Variants in TSNARE1 observed in about 807,000 individuals in gnomAD.
The protein encoded by TSNARE1 is t-SNARE domain-containing protein 1.
Under a neutral mutation model 62.0 loss-of-function variants are expected in TSNARE1, and 49 were observed. That is an observed-to-expected ratio of 0.79 (90% CI 0.63 to 1.00). The LOEUF is 1.00. Among genes scored for constraint, TSNARE1 ranks in the 50% least tolerant of loss-of-function variants. The pLI is 0.00. For synonymous variants in TSNARE1, 328 were observed against 294.4 expected (o/e 1.11, Z -1.17); for missense variants, 755 against 700.1 (o/e 1.08, Z -0.88).
At chr8:142,316,895 T>G (rs976546734) in intron 7 of TSNARE1, among the ~76,000 whole-genome samples, 5 of 151,862 alleles carry the variant, frequency 3.3e-5, no homozygotes, top group African/African-American at 1.2e-4. Context: ...CGGCATGCAT[T>G]TCCCCTGTAG....
chr8:142,247,521 G>A (rs550045392), intron 12 of TSNARE1: 1 of 152,292 alleles, frequency 6.6e-6, no homozygotes, highest in Non-Finnish European at 1.5e-5. Flanking sequence ...AGCTCATAGT[G>A]GGGGGTGGGG....
chr8:142,364,391 T>C (rs1437563284), intron 1 of TSNARE1, among the ~76,000 whole-genome samples: 1 of 152,124 alleles, frequency 6.6e-6, no homozygotes, highest in East Asian at 1.9e-4. Flanking sequence ...TAGATGTGTG[T>C]GGGTATATAT....
chr8:142,269,807 G>C (rs550190621), intron 12 of TSNARE1: 1 of 985,452 alleles, frequency 1.0e-6, no homozygotes, highest in Non-Finnish European at 1.2e-6. Context: ...ACCCATAGAA[G>C]GGGTAGCCTG....
At chr8:142,301,824 CT>C (rs1355598534) in intron 9 of TSNARE1, among the ~76,000 whole-genome samples, 1 of 152,216 alleles carries the variant, frequency 6.6e-6, no homozygotes, top group East Asian at 1.9e-4. Context: ...GAGCCAGGGC[CT>C]CCACAACAGC....
intron 5 of TSNARE1, among the ~76,000 whole-genome samples, chr8:142,331,491 C>T (rs929943035): frequency 8.5e-5 from 13 of 152,222 alleles, no homozygotes; most frequent in Non-Finnish European, 4.4e-5. Flanking sequence ...GCAGGAGCAG[C>T]CAGCGGGAGC....
At chr8:142,340,135 T>C (rs1415752909) in intron 4 of TSNARE1, among the ~76,000 whole-genome samples, 3 of 152,072 alleles carry the variant, frequency 2.0e-5, no homozygotes, top group Non-Finnish European at 4.4e-5. Context: ...CCATGAAGGC[T>C]GGGGCGCAGG....
chr8:142,228,016 T>C (rs1263472608), intron 13 of TSNARE1, among the ~76,000 whole-genome samples: 1 of 151,882 alleles, frequency 6.6e-6, no homozygotes, highest in African/African-American at 2.4e-5. Flanking sequence ...CTTCCCGGAG[T>C]TTACATGGAG....
intron 1 of TSNARE1, among the ~76,000 whole-genome samples, chr8:142,374,237 G>A (rs543670865): frequency 3.3e-5 from 5 of 152,052 alleles, no homozygotes; most frequent in South Asian, 2.1e-4. Context: ...CCAGGGAGGC[G>A]GAGGTTGCAG....
chr8:142,284,359 T>A, intron 11 of TSNARE1, 54 bp downstream of exon 11: 1 of 1,451,694 alleles, frequency 6.9e-7, no homozygotes, highest in Non-Finnish European at 9.6e-7. Flanking sequence ...GGCTGGGGGC[T>A]GGCAGGCAGG....
At chr8:142,283,576 G>C (rs1474955498) in intron 11 of TSNARE1, among the ~76,000 whole-genome samples, 1 of 127,432 alleles carries the variant, frequency 7.8e-6, no homozygotes, top group Non-Finnish European at 1.6e-5. Flanking sequence ...GTTAGTGTCT[G>C]TCAATGAGCA....
intron 4 of TSNARE1, among the ~76,000 whole-genome samples, chr8:142,335,333 G>A (rs982320213): frequency 1.3e-5 from 2 of 152,066 alleles, no homozygotes; most frequent in Admixed American, 6.6e-5. Flanking sequence ...AACAAGGTGG[G>A]GTCACCATGT....
At chr8:142,256,489 C>T (rs1196318943) in intron 12 of TSNARE1, among the ~76,000 whole-genome samples, 1 of 149,248 alleles carries the variant, frequency 6.7e-6, no homozygotes, top group Non-Finnish European at 1.5e-5. Flanking sequence ...TCACCACCAC[C>T]ATCACCATCA....
intron 13 of TSNARE1, among the ~76,000 whole-genome samples, chr8:142,216,818 G>A (rs376235169): frequency 4.3e-4 from 65 of 152,290 alleles, no homozygotes; most frequent in Middle Eastern, 3.4e-3. Flanking sequence ...CCTCTCAGTC[G>A]ACAAATCTGC....
intron 1 of TSNARE1, among the ~76,000 whole-genome samples, chr8:142,362,555 C>T (rs1454231126): frequency 2.6e-5 from 4 of 152,120 alleles, no homozygotes; most frequent in East Asian, 1.9e-4. Context: ...ACAGAGGGGC[C>T]TCCGGTGGAA....
chr8:142,344,773 C>T (rs1431684176), intron 3 of TSNARE1, among the ~76,000 whole-genome samples: 1 of 152,200 alleles, frequency 6.6e-6, no homozygotes, highest in South Asian at 2.1e-4. Context: ...GTGCAGGAGC[C>T]GAGCAGGCTA....
chr8:142,402,190 T>C (rs1437539541), intron 1 of TSNARE1, among the ~76,000 whole-genome samples: 3 of 152,108 alleles, frequency 2.0e-5, no homozygotes, highest in African/African-American at 7.2e-5. Flanking sequence ...GAAAGGCACC[T>C]GGCAGGATGA....
In TSNARE1 at chr8:142,319,706, C is replaced by G. The variant is rs971486657; in HGVS notation, c.894-1072G>C. Among the ~76,000 whole-genome samples, 2 of 152,184 alleles carry G rather than the reference C, an allele frequency of 1.3e-5. No individual in the cohort carries two copies. The highest frequency in any genetic ancestry group is 4.8e-5 in the African/African-American group (2 of 41,462). On this transcript the variant is annotated intron_variant, in intron 6 of 13. Coordinates refer to ENST00000524325, the MANE Select transcript of TSNARE1 (RefSeq NM_145003.5). This position sits in a 1 kb window ranked among gnomAD's most constrained non-coding sequence, Gnocchi z 4.9. ...GGGAGCGAGCCTGGCACCACCACTG[C>G]AGGCCAAGCCTACAGGAGCGGGGCC...
At chr8:142,288,675 G>C (rs1008423380) in intron 10 of TSNARE1, among the ~76,000 whole-genome samples, 2 of 152,284 alleles carry the variant, frequency 1.3e-5, no homozygotes, top group Non-Finnish European at 2.9e-5. Flanking sequence ...AGAGGAGCTG[G>C]TGGGGGGTGG....
chr8:142,268,747 C>T (rs2130455489), intron 12 of TSNARE1, among the ~76,000 whole-genome samples: 1 of 152,290 alleles, frequency 6.6e-6, no homozygotes, highest in East Asian at 1.9e-4. Context: ...CATTCCTTCC[C>T]TACACCCTGC....
Sources: allele counts gnomAD v4.1 joint callset (sites outside exome capture counted in the v4.1 genomes callset), GRCh38; gene constraint gnomAD v4.1.1; non-coding constraint Gnocchi (gnomAD v3.1); transcripts MANE v1.5; gene names NCBI Gene and HGNC (gene_info 2026-07-23, HGNC 2026-07-21).